Variants in NUP155 observed in about 807,000 individuals in gnomAD.
The protein encoded by NUP155 is nucleoporin 155.
Under a neutral mutation model 180.4 loss-of-function variants are expected in NUP155, and 71 were observed. The observed-to-expected ratio is 0.39, with a 90% CI of 0.33 to 0.48. The LOEUF (loss-of-function observed/expected upper bound fraction) is 0.48. NUP155 is among the 20% of genes least tolerant of loss of function. The pLI is 0.91. For missense variants in NUP155, 1,553 were observed against 1,648.9 expected (o/e 0.94, Z 1.01); for synonymous variants, 582 against 559.5 (o/e 1.04, Z -0.57).
chr5:37,318,302 G>A (rs1048299962), intron 20 of NUP155, among the ~76,000 whole-genome samples: 5 of 151,326 alleles, frequency 3.3e-5, no homozygotes, highest in African/African-American at 1.2e-4. Context: ...AAATGACTGA[G>A]AACATCAGCT....
chr5:37,352,239 T>G (rs1339994502), intron 5 of NUP155, among the ~76,000 whole-genome samples: 1 of 152,110 alleles, frequency 6.6e-6, no homozygotes, highest in East Asian at 1.9e-4. Flanking sequence ...GTGCCTGTAA[T>G]CCCAGCTACT....
intron 3 of NUP155, among the ~76,000 whole-genome samples, chr5:37,361,735 A>G (rs1161096725): frequency 2.0e-5 from 3 of 152,320 alleles, no homozygotes; most frequent in Admixed American, 6.5e-5. Context: ...GAATTTGTGG[A>G]CCTTGTGCCT....
chr5:37,292,005 A>G lies in NUP155; in HGVS notation c.4071T>C (p.Val1357=), dbSNP rs373192340. The G allele has an allele frequency of 1.1e-5, 17 of 1,614,028 alleles. No homozygotes were observed. Among genetic ancestry groups the G allele is most frequent in the Non-Finnish European group, 1.4e-5 (17 of 1,179,996 alleles). Residue 1357 remains valine (V), a synonymous_variant, in exon 35 of 35, where the codon GTT becomes GTC. Coordinates refer to ENST00000231498, the MANE Select transcript of NUP155 (RefSeq NM_153485.3). The part of the protein sequence containing the change: ...RRFTNLCLDA[V]CGYLVELQSM... Reference sequence around the variant, plus strand: ...ACTGGAGCTCAACAAGGTAACCACAAACAGCATCCAGGCAGAGATTTGTAA... The same window carrying G: ...ACTGGAGCTCAACAAGGTAACCACAGACAGCATCCAGGCAGAGATTTGTAA...
chr5:37,315,678 C>T (rs1743839233), intron 21 of NUP155, among the ~76,000 whole-genome samples: 1 of 152,196 alleles, frequency 6.6e-6, no homozygotes. Flanking sequence ...CGCAGTGGCT[C>T]ACGCCTGTAA....
intron 1 of NUP155, among the ~76,000 whole-genome samples, chr5:37,365,752 T>TATATACACACACACACAC (rs1403169370): frequency 7.9e-5 from 3 of 37,898 alleles, no homozygotes; most frequent in African/African-American, 1.1e-4. Context: ...TATATATATA[T>TATATACACACACACACAC]ACACACACAC....
At chr5:37,361,526 C>T (rs1322264714) in intron 3 of NUP155, among the ~76,000 whole-genome samples, 1 of 152,168 alleles carries the variant, frequency 6.6e-6, no homozygotes, top group Admixed American at 6.6e-5. Context: ...TAGGATTCCC[C>T]ATCCTCTTAC....
At chr5:37,357,918 A>G (rs552222091) in intron 4 of NUP155, among the ~76,000 whole-genome samples, 163 bp downstream of exon 4, 3 of 152,052 alleles carry the variant, frequency 2.0e-5, no homozygotes, top group Non-Finnish European at 4.4e-5. Context: ...GCTTGAACCC[A>G]GGAGGCGGAG....
At position 37,350,166 on chromosome 5, in the gene NUP155, C is replaced by T; in HGVS notation, c.823G>A (p.Glu275Lys). The T allele has an allele frequency of 1.2e-6, 2 of 1,611,222 alleles. No individual in the cohort carries two copies. Among genetic ancestry groups the T allele is most frequent in the African/African-American group, 1.3e-5 (1 of 74,958 alleles). The change falls in exon 7 of 35, where the codon GAA becomes AAA. Residue 275 changes from glutamate (E) to lysine (K), a missense_variant. Transcript: ENST00000231498. ...TTTATTGTTTTCTACTTACCATCTT[C>T]TGAGAACGTGAATTGTAGCAAGGAA... ...VPSLLQFTFS[E>K]DDPILQIAID... is the part of the protein sequence containing the mutation.
chr5:37,291,983 G>A lies in NUP155; in HGVS notation c.4093C>T (p.Gln1365Ter), dbSNP rs1209732982. Residue 1365 changes from glutamine to a stop codon, truncating the protein, a stop_gained, in exon 35 of 35, where the codon CAG becomes TAG. Transcript: ENST00000231498. LOFTEE classifies it high-confidence loss of function. ...DAVCGYLVEL[Q>*]SMSSSVAVQA... Reference sequence around the variant, plus strand: ...ACTGCTACTGACGAGCTCATAGACTGGAGCTCAACAAGGTAACCACAAACA... The same window carrying A: ...ACTGCTACTGACGAGCTCATAGACTAGAGCTCAACAAGGTAACCACAAACA... 2.5e-6 allele frequency: 4 copies of A among 1,613,202 alleles called. No homozygotes were observed. The highest frequency in any genetic ancestry group is 2.5e-6 in the Non-Finnish European group (3 of 1,179,336).
intron 3 of NUP155, among the ~76,000 whole-genome samples, chr5:37,360,794 G>A (rs13175760): frequency 0.18 from 26,231 of 149,158 alleles, 2,707 homozygotes; most frequent in East Asian, 0.31. Context: ...AAAGGGGGGG[G>A]GGTCCAGGCG....
At chr5:37,353,032 G>C (rs1159593276) in intron 4 of NUP155, among the ~76,000 whole-genome samples, 1 of 151,430 alleles carries the variant, frequency 6.6e-6, no homozygotes, top group Non-Finnish European at 1.5e-5. Flanking sequence ...ATAATGAAGA[G>C]GAAAAAAAGT....
intron 20 of NUP155, 61 bp from the exon 21 acceptor site, chr5:37,318,146 C>T (rs2150955450): frequency 3.2e-6 from 3 of 924,932 alleles, no homozygotes; most frequent in Non-Finnish European, 5.4e-6. Context: ...ATAACACATA[C>T]AGTACAATTC....
intron 3 of NUP155, among the ~76,000 whole-genome samples, chr5:37,360,251 A>T (rs988887422): frequency 6.6e-6 from 1 of 152,168 alleles, no homozygotes; most frequent in Non-Finnish European, 1.5e-5. Context: ...TGGGAGGCTG[A>T]GGCGGGTGGA....
intron 31 of NUP155, 53 bp from the exon 32 acceptor site, chr5:37,299,031 G>T: frequency 1.1e-6 from 1 of 944,962 alleles, no homozygotes; most frequent in Non-Finnish European, 1.7e-6. Context: ...AATGTGAAAT[G>T]TTTACATTGG....
intron 2 of NUP155, 118 bp from the exon 3 acceptor site, chr5:37,364,102 A>C: frequency 9.3e-7 from 1 of 1,079,488 alleles, no homozygotes; most frequent in Non-Finnish European, 1.4e-6. Context: ...TCTTTAATAC[A>C]ACATGGAACC....
At chr5:37,307,759 T>C (rs1743250370) in intron 24 of NUP155, among the ~76,000 whole-genome samples, 1 of 151,724 alleles carries the variant, frequency 6.6e-6, no homozygotes, top group South Asian at 2.1e-4. Flanking sequence ...CCACCTCTAC[T>C]AAAAATACAA....
chr5:37,326,927 T>C lies in NUP155; in HGVS notation c.2024+702A>G, dbSNP rs556237160. ...TATACACAGATTTTTTTCCCACCTA[T>C]GCTACCCCAGCACATCAAAACCAAC... On this transcript the variant is annotated intron_variant, in intron 18 of 34. Transcript: ENST00000231498. Among the ~76,000 whole-genome samples, 5 of 152,294 alleles carry C rather than the reference T, an allele frequency of 3.3e-5. No homozygotes were observed. The South Asian group carries it at 1.0e-3, about 32-fold the overall frequency.
chr5:37,350,403 A>G (rs1189618358), intron 6 of NUP155, 138 bp from the exon 7 acceptor site: 3 of 641,098 alleles, frequency 4.7e-6, no homozygotes, highest in Admixed American at 2.8e-5. Flanking sequence ...TATAATCAAC[A>G]AAACGAGACA....
At chr5:37,309,985 T>C (rs531638058) in intron 23 of NUP155, among the ~76,000 whole-genome samples, 1 of 150,954 alleles carries the variant, frequency 6.6e-6, no homozygotes, top group Non-Finnish European at 1.5e-5. Context: ...GAGGTGGAGG[T>C]TGCAGTGAGC....
Sources: allele counts gnomAD v4.1 joint callset (sites outside exome capture counted in the v4.1 genomes callset), GRCh38; gene constraint gnomAD v4.1.1; transcripts MANE v1.5; gene names NCBI Gene and HGNC (gene_info 2026-07-23, HGNC 2026-07-21).